The following ANKRD13B variants were observed in gnomAD, a reference collection of about 807,000 sequenced individuals.
The protein encoded by ANKRD13B is ankyrin repeat domain 13B.
A neutral mutation model predicts 74.4 loss-of-function variants in ANKRD13B; 33 were observed. The ratio of observed to expected loss-of-function variants is 0.44; its 90% CI spans 0.34 to 0.59. ANKRD13B has a LOEUF of 0.59. Ranked by LOEUF, ANKRD13B falls within the 20% of genes least tolerant of loss-of-function variation. ANKRD13B has a pLI of 0.02. For synonymous variants in ANKRD13B, 341 were observed against 362.9 expected (o/e 0.94, Z 0.68); for missense variants, 676 against 877.9 (o/e 0.77, Z 2.91).
At chr17:29,595,914 T>G (rs2033937507) in intron 1 of ANKRD13B, among the ~76,000 whole-genome samples, 1 of 152,148 alleles carries the variant, frequency 6.6e-6, no homozygotes, top group African/African-American at 2.4e-5. Flanking sequence ...TGTATCCAGA[T>G]GTACACTGCC....
At chr17:29,602,537 A>G (rs2034220499) in intron 1 of ANKRD13B, among the ~76,000 whole-genome samples, 1 of 152,128 alleles carries the variant, frequency 6.6e-6, no homozygotes, top group Non-Finnish European at 1.5e-5. Context: ...ACTGGGCCAC[A>G]ACCCTCTTGG....
chr17:29,600,097 C>T (rs925354585), intron 1 of ANKRD13B, among the ~76,000 whole-genome samples: 1 of 151,978 alleles, frequency 6.6e-6, no homozygotes, highest in Non-Finnish European at 1.5e-5. Context: ...AGGATGGTCT[C>T]GATCTCCTGA....
rs370723205 is a variant in ANKRD13B at position 29,610,427 on chromosome 17, G to A, written c.823-258G>A. ...GAGATTGTAAGTCTCAGGAGGGCAGGGATCATGTTTGGCTTGTTTACTGTA... is the reference window on the plus strand; with the variant it reads ...GAGATTGTAAGTCTCAGGAGGGCAGAGATCATGTTTGGCTTGTTTACTGTA... On this transcript the variant is annotated intron_variant, in intron 7 of 14. Coordinates refer to ENST00000394859, the MANE Select transcript of ANKRD13B (RefSeq NM_152345.5). Among the ~76,000 whole-genome samples the A allele has an allele frequency of 3.3e-5, 5 of 152,126 alleles. No homozygotes were observed. In the East Asian group the frequency reaches 7.7e-4, roughly 23 times the overall value.
intron 1 of ANKRD13B, among the ~76,000 whole-genome samples, chr17:29,605,130 G>A (rs2034321540): frequency 6.6e-6 from 1 of 152,100 alleles, no homozygotes; most frequent in Admixed American, 6.5e-5. Context: ...TTTTTGAGTA[G>A]TTTACTCTTT....
intron 1 of ANKRD13B, among the ~76,000 whole-genome samples, chr17:29,607,315 T>C (rs565328562): frequency 3.3e-5 from 5 of 152,328 alleles, no homozygotes; most frequent in Non-Finnish European, 4.4e-5. Flanking sequence ...TGGTAGCTCT[T>C]CCTGAAGGTG....
chr17:29,612,908 A>T lies in ANKRD13B; in HGVS notation c.1597A>T (p.Thr533Ser). ...GCAGGTCACCATCTGGGAGGCGCTA[A>T]CCAACAGCAAGCCAGGCACCCACCC... ...YDQVTIWEALTNSKPGTHPMS... is the reference protein window; with the variant it reads ...YDQVTIWEALSNSKPGTHPMS... Residue 533 changes from threonine (T) to serine (S), a missense_variant, in exon 14 of 15, where the codon ACC becomes TCC. Physicochemically the swap from Thr to Ser is moderately conservative, Grantham distance 58. Transcript: ENST00000394859. The surrounding 1 kb of genome is among the most constrained non-coding windows in gnomAD (Gnocchi z 6.1). 1 of 1,598,512 alleles carries T rather than the reference A, an allele frequency of 6.3e-7. No homozygotes were observed. The highest frequency in any genetic ancestry group is 8.5e-7 in the Non-Finnish European group (1 of 1,179,682).
At chr17:29,613,061 CCCTCCT>C (rs1567796722) in intron 14 of ANKRD13B, 98 bp downstream of exon 14, 3 of 1,463,368 alleles carry the variant, frequency 2.1e-6, no homozygotes, top group Admixed American at 4.0e-5. Context: ...TCGGCAGGGA[CCCTCCT>C]GGTATCGGGA....
intron 1 of ANKRD13B, among the ~76,000 whole-genome samples, chr17:29,603,616 A>G (rs897647007): frequency 6.6e-6 from 1 of 152,190 alleles, no homozygotes; most frequent in Non-Finnish European, 1.5e-5. Context: ...GCTGTCTTCA[A>G]ATTCACTGAT....
intron 1 of ANKRD13B, among the ~76,000 whole-genome samples, chr17:29,594,386 G>A (rs1490950287): frequency 6.6e-6 from 1 of 152,208 alleles, no homozygotes; most frequent in Non-Finnish European, 1.5e-5. Flanking sequence ...AAGCTGAGGG[G>A]CCCTGGCTGC....
Position 29,612,171 on chromosome 17 carries a change from G to A in ANKRD13B, c.1156G>A (p.Val386Met), listed in dbSNP as rs764818306. The A allele has an allele frequency of 6.2e-7, 1 of 1,614,150 alleles. No homozygotes were observed. Among genetic ancestry groups the A allele is most frequent in the East Asian group, 2.2e-5 (1 of 44,876 alleles). The change falls in exon 11 of 15, where the codon GTG (valine) becomes ATG (methionine). Residue 386 changes from valine (V) to methionine (M), a missense_variant. By Grantham distance (21) the Val-to-Met change is conservative (BLOSUM62 1). Around this residue, in one of 4 missense-constraint regions of ANKRD13B, gnomAD observed 328 missense variants for 518.4 expected, o/e 0.63. Coordinates refer to ENST00000394859, the MANE Select transcript of ANKRD13B (RefSeq NM_152345.5). The surrounding 1 kb of genome is among the most constrained non-coding windows in gnomAD (Gnocchi z 6.1). Reference sequence around the variant, plus strand: ...GCATCCCCTGTCCCTGTGTGAGCAGGTGGCCCCCATCATTGACCTCATGGC... The same window carrying A: ...GCATCCCCTGTCCCTGTGTGAGCAGATGGCCCCCATCATTGACCTCATGGC... Reference protein sequence around the residue: ...EEHPLSLCEQVAPIIDLMAVS... With the variant: ...EEHPLSLCEQMAPIIDLMAVS...
Position 29,613,593 on chromosome 17 carries a change from C to T in ANKRD13B, c.*11C>T, listed in dbSNP as rs2034691564. 17 of 1,418,084 alleles carry T rather than the reference C, an allele frequency of 1.2e-5. No homozygotes were observed. Among genetic ancestry groups the T allele is most frequent in the Non-Finnish European group, 1.5e-5 (16 of 1,083,168 alleles). 87.8% of individuals were successfully genotyped at this position (1,418,084 alleles called of 1,614,324 possible). ...CTGACCGAGCAGTAGCGCCCCCTGC[C>T]GGGACCCTCGCCAGCGCCACGCGCG... On this transcript the variant is annotated 3_prime_UTR_variant, in exon 15 of 15. Transcript: ENST00000394859.
rs558563630 is a variant in ANKRD13B at position 29,594,467 on chromosome 17, C to T, written c.114+732C>T. 2.3e-4 allele frequency among the ~76,000 whole-genome samples: 35 copies of T among 152,316 alleles called. No homozygotes were observed. The South Asian group carries it at 7.0e-3, about 31-fold the overall frequency. ...TGCTGGTCAGTAAGGCCACGTGGGTCACCAGCTTTGGGCTGGGCAGTGGTC... is the reference window on the plus strand; with the variant it reads ...TGCTGGTCAGTAAGGCCACGTGGGTTACCAGCTTTGGGCTGGGCAGTGGTC... On this transcript the variant is annotated intron_variant, in intron 1 of 14. Transcript: ENST00000394859.
chr17:29,606,061 G>T (rs1225413679), intron 1 of ANKRD13B, among the ~76,000 whole-genome samples: 1 of 151,594 alleles, frequency 6.6e-6, no homozygotes, highest in African/African-American at 2.4e-5. Flanking sequence ...TACAGGCATG[G>T]GCCACCACGC....
chr17:29,606,633 G>A (rs1426069759), intron 1 of ANKRD13B, among the ~76,000 whole-genome samples: 1 of 147,734 alleles, frequency 6.8e-6, no homozygotes, highest in African/African-American at 2.5e-5. Flanking sequence ...GCAGGGGCTT[G>A]TAATCCCAGC....
Position 29,609,629 on chromosome 17 carries a change from A to G in ANKRD13B, c.822+208A>G, listed in dbSNP as rs987370048. ...AGGGCACGTGCACACGCACACACAC[A>G]CACACATTTATTCCTCACAGCAACC... On this transcript the variant is annotated intron_variant, in intron 7 of 14. Coordinates refer to ENST00000394859, the MANE Select transcript of ANKRD13B (RefSeq NM_152345.5). The surrounding 1 kb of genome is among the most constrained non-coding windows in gnomAD (Gnocchi z 4.0). Among the ~76,000 whole-genome samples, 3 of 152,242 alleles carry G rather than the reference A, an allele frequency of 2.0e-5. No individual in the cohort carries two copies. Among genetic ancestry groups the G allele is most frequent in the African/African-American group, 7.2e-5 (3 of 41,468 alleles).
At chr17:29,607,007 G>A (rs574335178) in intron 1 of ANKRD13B, among the ~76,000 whole-genome samples, 364 of 151,898 alleles carry the variant, frequency 2.4e-3, no homozygotes, top group Non-Finnish European at 3.9e-3. Flanking sequence ...CTGATATCAC[G>A]TCATTGTACT....
Position 29,593,670 on chromosome 17 carries a change from C to T in ANKRD13B, c.49C>T (p.Pro17Ser). 1.4e-6 allele frequency: 2 copies of T among 1,441,302 alleles called. No individual in the cohort carries two copies. Among genetic ancestry groups the T allele is most frequent in the South Asian group, 1.4e-5 (1 of 72,780 alleles). 89.3% of individuals were successfully genotyped at this position (1,441,302 alleles called of 1,614,324 possible). A position where few individuals can be genotyped will look rare whatever the true frequency, so the allele number is the denominator to read the frequency against. ...CAGGAAGGGGCCCGAGGGCAAGTAT[C>T]CGCTGCACTACCTCGTGTGGCACAA... is the stretch of plus-strand genomic sequence containing the variant. Reference protein sequence around the residue: ...SARKGPEGKYPLHYLVWHNRH... With the variant: ...SARKGPEGKYSLHYLVWHNRH... Residue 17 changes from proline to serine, a missense_variant, in exon 1 of 15, where the codon CCG (proline) becomes TCG (serine). By Grantham distance (74) the Pro-to-Ser change is moderately conservative (BLOSUM62 -1). Around this residue, in one of 4 missense-constraint regions of ANKRD13B, gnomAD observed 88 missense variants for 87.8 expected, o/e 1.00. Coordinates refer to ENST00000394859, the MANE Select transcript of ANKRD13B (RefSeq NM_152345.5).
chr17:29,606,728 TAAAAAAAAAA>T (rs370548766), intron 1 of ANKRD13B, among the ~76,000 whole-genome samples: 1 of 62,950 alleles, frequency 1.6e-5, no homozygotes, highest in Non-Finnish European at 2.9e-5. Context: ...CTGTCTCAAG[TAAAAAAAAAA>T]AAAAAAAAAA....
In ANKRD13B at chr17:29,612,497, A is replaced by C. The variant is rs750157893; in HGVS notation, c.1354A>C (p.Ser452Arg). The stretch of plus-strand genomic sequence containing the variant: ...GCCATCGGTGCGAGGCAGCCCCAGC[A>C]GCGAGACGCCTTCCCCAGGCAGCGA... ...PVPSVRGSPS[S>R]ETPSPGSDSS... Residue 452 changes from serine (S) to arginine (R), a missense_variant, in exon 12 of 15, where the codon AGC (serine) becomes CGC (arginine). By Grantham distance (110) the Ser-to-Arg change is moderately radical. Around this residue, in one of 4 missense-constraint regions of ANKRD13B, gnomAD observed 152 missense variants for 181.4 expected, o/e 0.84. Coordinates refer to ENST00000394859, the MANE Select transcript of ANKRD13B (RefSeq NM_152345.5). The surrounding 1 kb of genome is among the most constrained non-coding windows in gnomAD (Gnocchi z 6.1). The C allele has an allele frequency of 6.3e-7, 1 of 1,585,520 alleles. No homozygotes were observed. Among genetic ancestry groups the C allele is most frequent in the East Asian group, 2.3e-5 (1 of 43,404 alleles).
Sources: gnomAD v4.1 joint callset for allele counts (sites outside exome capture counted in the v4.1 genomes callset) on GRCh38, gnomAD v4.1.1 for gene constraint, gnomAD v4.1.1 regional missense constraint, Gnocchi (gnomAD v3.1) non-coding constraint, MANE v1.5 for transcripts, NCBI Gene and HGNC (gene_info 2026-07-23, HGNC 2026-07-21) for gene names.